Variants in MEG3 observed in about 807,000 individuals in gnomAD.
The protein encoded by MEG3 is Very putative protein from MEG3 locus.
rs1007056445 is a variant in MEG3 at position 100,840,016 on chromosome 14, C to T, written n.3045+3716C>T. Among the ~76,000 whole-genome samples the T allele has an allele frequency of 9.2e-5, 14 of 152,296 alleles. No individual in the cohort carries two copies. The East Asian group carries it at 1.7e-3, about 19-fold the overall frequency. On this transcript the variant is annotated intron_variant and non_coding_transcript_variant, in intron 2 of 3. Coordinates refer to the MEG3 transcript ENST00000398461. Reference sequence around the variant, plus strand: ...TATCTCTGTCTGTCCTCTCAGCTCGCGTCACCCCTGAGCCCTTGGCGATCG... The same window carrying T: ...TATCTCTGTCTGTCCTCTCAGCTCGTGTCACCCCTGAGCCCTTGGCGATCG...
chr14:100,832,968 CCATTGAGGA>C (rs1202328520), downstream of MEG3: 1 of 152,262 alleles, frequency 6.6e-6, no homozygotes, highest in Non-Finnish European at 1.5e-5. Flanking sequence ...ATCTCAGGAC[CCATTGAGGA>C]CATCCAAAAC....
At chr14:100,856,141 T>A (rs1400427838), upstream of MEG3, 4 of 152,054 alleles carry the variant, frequency 2.6e-5, no homozygotes, top group Non-Finnish European at 4.4e-5. Flanking sequence ...CTCATGTGGG[T>A]GATAAGAATC....
At chr14:100,835,478 G>A in exon 1 of MEG3, 1 of 153,274 alleles carries the variant, frequency 6.5e-6, no homozygotes, top group Admixed American at 6.5e-5. Flanking sequence ...CTGCTGGCTT[G>A]CTCTCCCTGG....
chr14:100,831,030 G>T (rs45570532), downstream of MEG3: 781 of 152,826 alleles, frequency 5.1e-3, 2 homozygotes, highest in Admixed American at 0.01. Context: ...AATAATTTAT[G>T]GTCAGTGAAA....
intron 2 of MEG3, among the ~76,000 whole-genome samples, chr14:100,843,701 A>G (rs1269331947): frequency 1.3e-5 from 2 of 152,134 alleles, no homozygotes; most frequent in Non-Finnish European, 2.9e-5. Context: ...AGGCAGAGGC[A>G]GCAGGGGTGG....
intron 2 of MEG3, among the ~76,000 whole-genome samples, chr14:100,842,661 C>A (rs2037796151): frequency 6.6e-6 from 1 of 152,142 alleles, no homozygotes. Flanking sequence ...TAAAAGTCAT[C>A]CTTTTAGGTC....
downstream of MEG3, chr14:100,829,480 C>T (rs934115643): frequency 6.6e-6 from 1 of 152,254 alleles, no homozygotes; most frequent in African/African-American, 2.4e-5. Context: ...ACTGAATCAC[C>T]AAAGGCACGC....
At chr14:100,856,570 G>C (rs935669330), upstream of MEG3, 1 of 152,720 alleles carries the variant, frequency 6.5e-6, no homozygotes. Flanking sequence ...TGTGCCAGGG[G>C]AGTGAGGAGA....
chr14:100,842,240 G>T (rs548359997), intron 2 of MEG3, among the ~76,000 whole-genome samples: 18 of 152,236 alleles, frequency 1.2e-4, no homozygotes, highest in Admixed American at 6.5e-4. Flanking sequence ...CTTTCCCAAG[G>T]CTGCCTCCGC....
At chr14:100,852,529 G>T, upstream of MEG3, 1 of 464,078 alleles carries the variant, frequency 2.2e-6, no homozygotes, top group South Asian at 1.6e-5. Context: ...TGCCTTGGCT[G>T]GACTGAGGTC....
At chr14:100,844,496 G>C (rs2037854654) in intron 2 of MEG3, among the ~76,000 whole-genome samples, 1 of 152,168 alleles carries the variant, frequency 6.6e-6, no homozygotes, top group South Asian at 2.1e-4. Flanking sequence ...GTAGTTTTCA[G>C]TTTACAGAAA....
At chr14:100,852,434 TG>T (rs765225745), upstream of MEG3, 2 of 534,308 alleles carry the variant, frequency 3.7e-6, no homozygotes, top group South Asian at 2.8e-5. Context: ...CAGGGCCACA[TG>T]AGCTGGGCCT....
At chr14:100,852,823 G>T, upstream of MEG3, 1 of 200,884 alleles carries the variant, frequency 5.0e-6, no homozygotes, top group South Asian at 7.5e-5. Flanking sequence ...AACATCTAGG[G>T]GCTGTCCTGA....
At chr14:100,828,020 C>T (rs2037291592) in intron 1 of MEG3, among the ~76,000 whole-genome samples, 2 of 152,178 alleles carry the variant, frequency 1.3e-5, no homozygotes, top group East Asian at 1.9e-4. Context: ...GGGCGGGAGG[C>T]GCTGCGCCGC....
chr14:100,852,555 T>C (rs924672278), upstream of MEG3: 49 of 406,034 alleles, frequency 1.2e-4, no homozygotes, highest in Middle Eastern at 3.7e-4. Context: ...GTGCACTTAT[T>C]ATCCCTGGGG....
intron 3 of MEG3, chr14:100,847,196 C>T (rs1432625911): frequency 6.6e-6 from 1 of 151,580 alleles, no homozygotes; most frequent in Non-Finnish European, 1.5e-5. Context: ...GAAAGAGGAC[C>T]CAGTGGGCGA....
At chr14:100,850,940 A>G (rs1161032854) in intron 3 of MEG3, 1 of 152,340 alleles carries the variant, frequency 6.6e-6, no homozygotes, top group Non-Finnish European at 1.5e-5. Flanking sequence ...TGTTCTAGAC[A>G]GTGGAATGAA....
chr14:100,836,593 G>C (rs1274598179), intron 2 of MEG3, among the ~76,000 whole-genome samples: 3 of 151,952 alleles, frequency 2.0e-5, no homozygotes, highest in African/African-American at 7.2e-5. Flanking sequence ...AGCGGCTCGG[G>C]CCAGGCACTC....
intron 1 of MEG3, among the ~76,000 whole-genome samples, chr14:100,827,200 C>T (rs928828936): frequency 2.6e-5 from 4 of 152,024 alleles, no homozygotes; most frequent in African/African-American, 9.7e-5. Context: ...CAGAGTCAAG[C>T]CCCCCCAGGC....
Sources: gnomAD v4.1 joint callset for allele counts (sites outside exome capture counted in the v4.1 genomes callset) on GRCh38, gnomAD v4.1.1 for gene constraint, MANE v1.5 for transcripts, NCBI Gene and HGNC (gene_info 2026-07-23, HGNC 2026-07-21) for gene names.